Variants in NCAM2 observed in about 807,000 individuals in gnomAD.
NCAM2 encodes the protein neural cell adhesion molecule 2.
Under a neutral mutation model 98.1 loss-of-function variants are expected in NCAM2, and 30 were observed. The observed-to-expected ratio is 0.31, with a 90% CI of 0.23 to 0.41. The LOEUF (loss-of-function observed/expected upper bound fraction) is 0.41, where lower values mean the gene tolerates loss of function less well. NCAM2 is among the 10% of genes least tolerant of loss of function. The pLI is 1.00. For synonymous variants in NCAM2, 368 were observed against 342.4 expected, an observed-to-expected ratio of 1.07 and a Z score of -0.83; for missense variants, 867 against 1,005.8, an observed-to-expected ratio of 0.86 and a Z score of 1.87.
chr21:21,262,968 T>C (rs755083040), intron 1 of NCAM2, among the ~76,000 whole-genome samples: 6 of 152,088 alleles, frequency 3.9e-5, no homozygotes, highest in Non-Finnish European at 8.8e-5. Flanking sequence ...CCTGCCCCCA[T>C]GATTCAATTA....
At chr21:21,297,535 T>C (rs531502572) in intron 5 of NCAM2, among the ~76,000 whole-genome samples, 19 of 151,892 alleles carry the variant, frequency 1.3e-4, no homozygotes, top group African/African-American at 4.6e-4. Context: ...TTGACTGAAT[T>C]GATTGGCTAC....
intron 7 of NCAM2, among the ~76,000 whole-genome samples, chr21:21,337,358 T>A (rs1245274699): frequency 1.3e-5 from 2 of 152,122 alleles, no homozygotes; most frequent in African/African-American, 4.8e-5. Flanking sequence ...TTCAACAAAC[T>A]TTTGTTGCTC....
intron 8 of NCAM2, among the ~76,000 whole-genome samples, chr21:21,361,709 G>A (rs2075650668): frequency 6.6e-6 from 1 of 151,988 alleles, no homozygotes; most frequent in Non-Finnish European, 1.5e-5. Context: ...TTACCAGACA[G>A]CTTCACTTGG....
chr21:21,254,121 A>G (rs2071574959), intron 1 of NCAM2, among the ~76,000 whole-genome samples: 1 of 152,198 alleles, frequency 6.6e-6, no homozygotes, highest in African/African-American at 2.4e-5. Context: ...GTAAATATTC[A>G]TTTTATTTAG....
At chr21:21,091,807 G>A (rs2066017703) in intron 1 of NCAM2, among the ~76,000 whole-genome samples, 1 of 152,054 alleles carries the variant, frequency 6.6e-6, no homozygotes, top group Non-Finnish European at 1.5e-5. Flanking sequence ...ATTTATTCCT[G>A]TAATTAAGTT....
intron 1 of NCAM2, among the ~76,000 whole-genome samples, chr21:21,043,642 G>A (rs1373522030): frequency 3.3e-5 from 5 of 151,826 alleles, no homozygotes; most frequent in Non-Finnish European, 7.4e-5. Context: ...CACAAGGTCA[G>A]GAGATCAAGA....
At chr21:21,363,559 G>A (rs1432200152) in intron 8 of NCAM2, among the ~76,000 whole-genome samples, 2 of 151,966 alleles carry the variant, frequency 1.3e-5, no homozygotes, top group Admixed American at 6.6e-5. Context: ...TGGGTCTTTA[G>A]CTCCCCTGTC....
intron 16 of NCAM2, among the ~76,000 whole-genome samples, chr21:21,510,641 C>A (rs1321945073): frequency 1.3e-5 from 2 of 151,914 alleles, no homozygotes; most frequent in Non-Finnish European, 2.9e-5. Flanking sequence ...TCCATTGTAT[C>A]ATTTACACCT....
At chr21:21,062,339 C>T (rs906373259) in intron 1 of NCAM2, among the ~76,000 whole-genome samples, 2 of 150,504 alleles carry the variant, frequency 1.3e-5, no homozygotes, top group African/African-American at 4.9e-5. Context: ...CAGAAATCAT[C>T]ATCCCCATCC....
intron 1 of NCAM2, among the ~76,000 whole-genome samples, chr21:21,239,076 A>G (rs1488814244): frequency 6.6e-6 from 1 of 152,208 alleles, no homozygotes; most frequent in Non-Finnish European, 1.5e-5. Context: ...GACATTGTAC[A>G]AAGATACACA....
intron 9 of NCAM2, among the ~76,000 whole-genome samples, chr21:21,400,203 C>T (rs545128780): frequency 1.0e-3 from 154 of 152,282 alleles, no homozygotes; most frequent in Middle Eastern, 6.8e-3. Context: ...GCATATGTTA[C>T]TGTTTCATGT....
chr21:21,378,609 C>T (rs2076084223), intron 9 of NCAM2, among the ~76,000 whole-genome samples: 1 of 152,032 alleles, frequency 6.6e-6, no homozygotes, highest in Non-Finnish European at 1.5e-5. Flanking sequence ...TATTTTCTCA[C>T]ATTATTTGAA....
At chr21:21,042,008 TTTAAGTGCAGTAGAACCC>T (rs1478572234) in intron 1 of NCAM2, among the ~76,000 whole-genome samples, 1 of 152,174 alleles carries the variant, frequency 6.6e-6, no homozygotes, top group Non-Finnish European at 1.5e-5. Flanking sequence ...TTTCGTTAAT[TTTAAGTGCAGTAGAACCC>T]TTCCTAACAT....
chr21:21,459,237 C>T (rs541554861), intron 12 of NCAM2, among the ~76,000 whole-genome samples: 1 of 152,026 alleles, frequency 6.6e-6, no homozygotes, highest in South Asian at 2.1e-4. Context: ...ACAGTGTACA[C>T]TTGTACACTG....
chr21:21,306,358 T>C (rs544061299), intron 5 of NCAM2, among the ~76,000 whole-genome samples: 5 of 152,172 alleles, frequency 3.3e-5, no homozygotes, highest in Non-Finnish European at 7.4e-5. Flanking sequence ...TTTTAAGCTC[T>C]CTTATTATAT....
intron 1 of NCAM2, among the ~76,000 whole-genome samples, chr21:21,212,498 A>G (rs1204625029): frequency 3.9e-5 from 6 of 152,176 alleles, no homozygotes; most frequent in African/African-American, 1.4e-4. Context: ...GGTGGTAGAC[A>G]TGGAAAGATG....
chr21:21,166,838 G>A (rs1034833684), intron 1 of NCAM2, among the ~76,000 whole-genome samples: 1 of 152,112 alleles, frequency 6.6e-6, no homozygotes, highest in Admixed American at 6.6e-5. Context: ...GGATTCCCAA[G>A]CAGTAATTTG....
intron 1 of NCAM2, among the ~76,000 whole-genome samples, chr21:21,265,578 C>G (rs1017182613): frequency 6.7e-6 from 1 of 148,820 alleles, no homozygotes; most frequent in Non-Finnish European, 1.5e-5. Flanking sequence ...GAATACTACA[C>G]AGACATTAAA....
At chr21:21,017,613 C>A (rs979252891) in intron 1 of NCAM2, among the ~76,000 whole-genome samples, 1 of 151,862 alleles carries the variant, frequency 6.6e-6, no homozygotes, top group East Asian at 1.9e-4. Context: ...TACTATTCCT[C>A]GCTTATGATT....
Sources: allele counts gnomAD v4.1 joint callset (sites outside exome capture counted in the v4.1 genomes callset), GRCh38; gene constraint gnomAD v4.1.1; transcripts MANE v1.5; gene names NCBI Gene and HGNC (gene_info 2026-07-23, HGNC 2026-07-21).